NKAIN2: variants seen among roughly 807,000 people sequenced by gnomAD.
The protein encoded by NKAIN2 is sodium/potassium transporting ATPase interacting 2.
Under a neutral mutation model 32.6 loss-of-function variants are expected in NKAIN2, and 14 were observed. That is an observed-to-expected ratio of 0.43 (90% confidence interval 0.28 to 0.67). NKAIN2 has a LOEUF of 0.67. NKAIN2 is among the 30% of genes least tolerant of loss of function. The pLI is 0.17. For missense variants in NKAIN2, 198 were observed against 258.3 expected, an observed-to-expected ratio of 0.77 and a Z score of 1.60; for synonymous variants, 80 against 87.2, an observed-to-expected ratio of 0.92 and a Z score of 0.46.
At chr6:124,475,275 G>C (rs945111339) in intron 3 of NKAIN2, among the ~76,000 whole-genome samples, 1 of 152,064 alleles carries the variant, frequency 6.6e-6, no homozygotes, top group Non-Finnish European at 1.5e-5. Flanking sequence ...GTCATTTTTA[G>C]GACCAGGCAT....
intron 1 of NKAIN2, among the ~76,000 whole-genome samples, chr6:123,990,900 T>C (rs1351325895): frequency 6.6e-6 from 1 of 152,202 alleles, no homozygotes; most frequent in African/African-American, 2.4e-5. Flanking sequence ...CAAGCTCCTA[T>C]TACATCATTA....
chr6:123,809,639 C>T (rs951454102), intron 1 of NKAIN2, among the ~76,000 whole-genome samples: 37 of 152,136 alleles, frequency 2.4e-4, no homozygotes, highest in African/African-American at 8.9e-4. Flanking sequence ...TTAAAAAATA[C>T]TTCAGTTGTG....
At chr6:123,836,217 G>A (rs1447000305) in intron 1 of NKAIN2, among the ~76,000 whole-genome samples, 1 of 151,888 alleles carries the variant, frequency 6.6e-6, no homozygotes, top group Non-Finnish European at 1.5e-5. Context: ...CTACCCTTGA[G>A]TAGGGAATTA....
intron 1 of NKAIN2, among the ~76,000 whole-genome samples, chr6:123,997,994 C>T (rs1190242135): frequency 1.3e-5 from 2 of 152,138 alleles, no homozygotes; most frequent in Non-Finnish European, 2.9e-5. Flanking sequence ...GTGCTGGTCT[C>T]CTAGTCCTTC....
intron 1 of NKAIN2, among the ~76,000 whole-genome samples, chr6:123,979,830 A>G (rs1778809980): frequency 6.6e-6 from 1 of 152,230 alleles, no homozygotes; most frequent in African/African-American, 2.4e-5. Context: ...AATGAGGACA[A>G]GACAATAAAA....
chr6:124,577,078 A>G (rs189803026), intron 3 of NKAIN2, among the ~76,000 whole-genome samples: 223 of 152,352 alleles, frequency 1.5e-3, no homozygotes, highest in African/African-American at 5.1e-3. Context: ...ATCAGACTAT[A>G]TCAAGTATTT....
chr6:124,584,415 G>A (rs988343684), intron 3 of NKAIN2, among the ~76,000 whole-genome samples: 1 of 152,150 alleles, frequency 6.6e-6, no homozygotes, highest in Non-Finnish European at 1.5e-5. Flanking sequence ...ACTTTGGGAG[G>A]CTGAGGCACA....
chr6:124,070,166 T>G (rs1179865235), intron 1 of NKAIN2, among the ~76,000 whole-genome samples: 1 of 152,214 alleles, frequency 6.6e-6, no homozygotes, highest in African/African-American at 2.4e-5. Flanking sequence ...TCGCTGCTTT[T>G]CTTCAGTTAG....
At chr6:123,900,532 GTTTTTTTTTTTTTTTT>G (rs34370743) in intron 1 of NKAIN2, among the ~76,000 whole-genome samples, 52 of 32,782 alleles carry the variant, frequency 1.6e-3, no homozygotes, top group Non-Finnish European at 3.4e-3. Context: ...CTCCAGATTA[GTTTTTTTTTTTTTTTT>G]TTTTTTTTTT....
At chr6:123,974,505 T>G (rs1206272642) in intron 1 of NKAIN2, among the ~76,000 whole-genome samples, 1 of 152,168 alleles carries the variant, frequency 6.6e-6, no homozygotes, top group Non-Finnish European at 1.5e-5. Flanking sequence ...CAAGGGAGAC[T>G]GTAGTCTCTG....
intron 1 of NKAIN2, 29 bp from the exon 2 acceptor site, chr6:124,282,976 G>A (rs763966657): frequency 1.9e-6 from 3 of 1,610,306 alleles, no homozygotes; most frequent in Admixed American, 1.7e-5. Context: ...CTCACATGCT[G>A]ATCTGTCCAT....
chr6:124,344,818 C>A (rs1324115013), intron 2 of NKAIN2, among the ~76,000 whole-genome samples: 1 of 152,114 alleles, frequency 6.6e-6, no homozygotes, highest in Non-Finnish European at 1.5e-5. Flanking sequence ...ACTGAATACC[C>A]TTTATTTCCT....
chr6:124,406,743 T>C (rs980871316), intron 3 of NKAIN2, among the ~76,000 whole-genome samples: 1 of 152,048 alleles, frequency 6.6e-6, no homozygotes, highest in African/African-American at 2.4e-5. Flanking sequence ...TTGACAAAAT[T>C]TGTTGTTTTT....
chr6:123,939,915 C>T (rs189209091), intron 1 of NKAIN2, among the ~76,000 whole-genome samples: 4 of 151,950 alleles, frequency 2.6e-5, no homozygotes, highest in East Asian at 3.9e-4. Flanking sequence ...AATTTTTATT[C>T]AACCATTTGC....
At chr6:123,843,444 T>C (rs1007637356) in intron 1 of NKAIN2, among the ~76,000 whole-genome samples, 5 of 152,134 alleles carry the variant, frequency 3.3e-5, no homozygotes, top group Non-Finnish European at 1.5e-5. Flanking sequence ...CTTCTCTCCT[T>C]CTCTGCCGAG....
intron 3 of NKAIN2, among the ~76,000 whole-genome samples, chr6:124,476,061 A>AGTGTGT (rs1439410249): frequency 1.1e-3 from 90 of 85,702 alleles, no homozygotes; most frequent in African/African-American, 4.2e-3. Flanking sequence ...AGAGAGAGAG[A>AGTGTGT]GAGAGTGTGT....
intron 3 of NKAIN2, among the ~76,000 whole-genome samples, chr6:124,510,022 G>A (rs192761577): frequency 2.0e-4 from 31 of 152,150 alleles, no homozygotes; most frequent in Admixed American, 6.5e-4. Context: ...CAAACCAAGA[G>A]CCTCTTTAAC....
chr6:124,369,434 A>G (rs1432502224), intron 3 of NKAIN2, among the ~76,000 whole-genome samples: 3 of 152,164 alleles, frequency 2.0e-5, no homozygotes, highest in African/African-American at 7.2e-5. Flanking sequence ...CCTTAGGTCA[A>G]GCTTGTCCAA....
At chr6:124,001,646 A>G (rs1779880788) in intron 1 of NKAIN2, among the ~76,000 whole-genome samples, 1 of 151,814 alleles carries the variant, frequency 6.6e-6, no homozygotes, top group African/African-American at 2.4e-5. Context: ...AAGTGAAAGA[A>G]AATTTATTTA....
Sources: allele counts gnomAD v4.1 joint callset (sites outside exome capture counted in the v4.1 genomes callset), GRCh38; gene constraint gnomAD v4.1.1; transcripts MANE v1.5; gene names NCBI Gene and HGNC (gene_info 2026-07-23, HGNC 2026-07-21).